The following PDE4D variants were observed in gnomAD, a reference collection of about 807,000 sequenced individuals.
PDE4D encodes the protein phosphodiesterase 4D.
Under a neutral mutation model 87.4 loss-of-function variants are expected in PDE4D, and 24 were observed. The observed-to-expected ratio is 0.27, with a 90% CI of 0.20 to 0.39. The LOEUF (loss-of-function observed/expected upper bound fraction) is 0.39. Ranked by LOEUF, PDE4D falls within the 10% of genes least tolerant of loss-of-function variation. The pLI, the probability that PDE4D is intolerant of heterozygous loss-of-function variation, is 1.00. For missense variants in PDE4D, 714 were observed against 1,041.0 expected (o/e 0.69, Z 4.32); for synonymous variants, 384 against 383.2 (o/e 1.00, Z -0.02).
At chr5:60,339,475 A>G (rs188534587) in intron 1 of PDE4D, among the ~76,000 whole-genome samples, 52 of 152,280 alleles carry the variant, frequency 3.4e-4, no homozygotes, top group Admixed American at 2.4e-3. Flanking sequence ...AACAGAATGC[A>G]AATTAAAACT....
At chr5:60,447,861 A>G (rs374324000) in intron 1 of PDE4D, among the ~76,000 whole-genome samples, 3 of 152,296 alleles carry the variant, frequency 2.0e-5, no homozygotes, top group East Asian at 3.9e-4. Flanking sequence ...AATTACCGTT[A>G]CTATACTAGG....
chr5:59,430,335 G>A (rs1394255909), intron 1 of PDE4D: 5 of 1,231,018 alleles, frequency 4.1e-6, no homozygotes, highest in Non-Finnish European at 4.1e-6. Context: ...TGTTGATCGC[G>A]TATGGTGATC....
At chr5:59,179,956 A>T (rs1741091381) in intron 5 of PDE4D, among the ~76,000 whole-genome samples, 1 of 152,206 alleles carries the variant, frequency 6.6e-6, no homozygotes. Flanking sequence ...CCTAAAACAG[A>T]CTAATAGGAA....
At chr5:59,575,485 A>G (rs1343996104) in intron 1 of PDE4D, among the ~76,000 whole-genome samples, 1 of 152,222 alleles carries the variant, frequency 6.6e-6, no homozygotes. Flanking sequence ...GGTGATTTGT[A>G]GCAATAGCAT....
rs1762146140 is a variant in PDE4D at position 59,762,373 on chromosome 5, T to TATGC, written c.455+130794_455+130795insGCAT. Among the ~76,000 whole-genome samples the TATGC allele has an allele frequency of 4.7e-5, 6 of 128,392 alleles. 1 individual carries two copies. The highest frequency in any genetic ancestry group is 2.3e-4 in the South Asian group (1 of 4,338). 84.2% of individuals were successfully genotyped at this position (128,392 alleles called of 152,430 possible). The stretch of plus-strand genomic sequence containing the variant: ...GCATATATGTGTATATGGGTACACA[T>TATGC]GTGTATATGTGTATATGGGTACACA... On this transcript the variant is annotated intron_variant, in intron 1 of 14. Transcript: ENST00000340635.
rs564167777 is a variant in PDE4D, at chr5:59,566,583, T to TGAGA, written c.455+326581_455+326584dup. Among the ~76,000 whole-genome samples, 21 of 146,974 alleles carry TGAGA rather than the reference T, an allele frequency of 1.4e-4. 1 individual carries two copies. The highest frequency in any genetic ancestry group is 1.0e-3 in the East Asian group (5 of 4,964). On this transcript the variant is annotated intron_variant, in intron 1 of 14. Coordinates refer to ENST00000340635, the MANE Select transcript of PDE4D (RefSeq NM_001104631.2). Reference sequence around the variant, plus strand: ...GTGTGTGTGTGTGTGTGTGTGTGTGTGAGAGAATGAGAGAGAGAGAGAAAG... The same window carrying TGAGA: ...GTGTGTGTGTGTGTGTGTGTGTGTGTGAGAGAGAGAATGAGAGAGAGAGAGAAAG...
intron 3 of PDE4D, among the ~76,000 whole-genome samples, chr5:59,952,683 C>G (rs1008904368): frequency 2.6e-5 from 4 of 152,196 alleles, no homozygotes; most frequent in Non-Finnish European, 5.9e-5. Context: ...CAGGTTCTTA[C>G]TCTCTCTGGG....
chr5:59,458,977 A>G (rs1037679135), intron 1 of PDE4D, among the ~76,000 whole-genome samples: 8 of 152,232 alleles, frequency 5.3e-5, no homozygotes, highest in African/African-American at 1.9e-4. Flanking sequence ...GTTTATATTT[A>G]TCTTAGTATA....
At chr5:59,990,980 C>A (rs1762949250) in intron 2 of PDE4D, among the ~76,000 whole-genome samples, 1 of 152,196 alleles carries the variant, frequency 6.6e-6, no homozygotes, top group African/African-American at 2.4e-5. Flanking sequence ...AGCCACCATG[C>A]TGCACTACCT....
At chr5:59,714,847 G>A (rs1246688284) in intron 1 of PDE4D, among the ~76,000 whole-genome samples, 5 of 152,212 alleles carry the variant, frequency 3.3e-5, no homozygotes, top group Admixed American at 2.0e-4. Flanking sequence ...AGATAGTGTG[G>A]CTGAGACTGA....
intron 5 of PDE4D, among the ~76,000 whole-genome samples, chr5:59,176,828 A>G (rs1783968057): frequency 6.6e-6 from 1 of 152,200 alleles, no homozygotes. Flanking sequence ...ACAACAGTGT[A>G]TCATCTCTAT....
chr5:59,711,939 C>T (rs1037283360), intron 1 of PDE4D, among the ~76,000 whole-genome samples: 4 of 152,228 alleles, frequency 2.6e-5, no homozygotes, highest in South Asian at 2.1e-4. Flanking sequence ...TATCCATTCA[C>T]TCTTTCATTA....
At chr5:60,075,084 G>C (rs1773144673) in intron 2 of PDE4D, among the ~76,000 whole-genome samples, 1 of 152,152 alleles carries the variant, frequency 6.6e-6, no homozygotes, top group South Asian at 2.1e-4. Flanking sequence ...TGTTTGTGTG[G>C]TTGCTTTATA....
chr5:59,095,335 A>G (rs945385998), intron 5 of PDE4D, among the ~76,000 whole-genome samples: 1 of 151,210 alleles, frequency 6.6e-6, no homozygotes, highest in Non-Finnish European at 1.5e-5. Flanking sequence ...AAGGGAATGG[A>G]ACAAAAAATA....
At chr5:60,397,500 T>C (rs979014935) in intron 1 of PDE4D, among the ~76,000 whole-genome samples, 1 of 152,172 alleles carries the variant, frequency 6.6e-6, no homozygotes, top group African/African-American at 2.4e-5. Context: ...CATTACTGAA[T>C]CTGGAGGACA....
chr5:60,194,132 A>C (rs1740922039), intron 1 of PDE4D, among the ~76,000 whole-genome samples: 1 of 151,338 alleles, frequency 6.6e-6, no homozygotes, highest in African/African-American at 2.4e-5. Context: ...CTTCAAAATC[A>C]AGCTATTTGA....
intron 1 of PDE4D, among the ~76,000 whole-genome samples, chr5:59,833,043 A>G (rs141938768): frequency 7.2e-4 from 110 of 152,140 alleles, no homozygotes; most frequent in Non-Finnish European, 9.0e-4. Context: ...GACATAGTTA[A>G]ACTGGGAAAC....
chr5:59,162,044 A>C (rs1197972412), intron 5 of PDE4D, among the ~76,000 whole-genome samples: 4 of 152,232 alleles, frequency 2.6e-5, no homozygotes, highest in Admixed American at 6.5e-5. Context: ...AAGGCATTTT[A>C]AACATGCAGG....
chr5:59,142,831 C>T (rs1027560160), intron 5 of PDE4D, among the ~76,000 whole-genome samples: 6 of 152,090 alleles, frequency 3.9e-5, no homozygotes, highest in Non-Finnish European at 7.3e-5. Context: ...GCAGGAGAAT[C>T]GCTTGAAAGC....
Sources: gnomAD v4.1 joint callset for allele counts (sites outside exome capture counted in the v4.1 genomes callset) on GRCh38, gnomAD v4.1.1 for gene constraint, MANE v1.5 for transcripts, NCBI Gene and HGNC (gene_info 2026-07-23, HGNC 2026-07-21) for gene names.